Variants in RPGRIP1L observed in about 807,000 individuals in gnomAD.
RPGRIP1L encodes the protein RPGRIP1 like.
A neutral mutation model predicts 160.4 loss-of-function variants in RPGRIP1L; 131 were observed. The ratio of observed to expected loss-of-function variants is 0.82; its 90% CI spans 0.71 to 0.94. The LOEUF is 0.94. Among genes scored for constraint, RPGRIP1L ranks in the 40% least tolerant of loss-of-function variants. The pLI, the probability that RPGRIP1L is intolerant of heterozygous loss-of-function variation, is 0.00. For missense variants in RPGRIP1L, 1,522 were observed against 1,535.8 expected, an observed-to-expected ratio of 0.99 and a Z score of 0.15; for synonymous variants, 510 against 515.8, an observed-to-expected ratio of 0.99 and a Z score of 0.15.
intron 11 of RPGRIP1L, 23 bp downstream of exon 11, chr16:53,658,749 T>A: frequency 6.7e-7 from 1 of 1,490,882 alleles, no homozygotes; most frequent in Non-Finnish European, 9.2e-7. Flanking sequence ...GAGTTTTATT[T>A]CTTAAATAAG....
At chr16:53,614,694 T>C (rs1964248254) in intron 24 of RPGRIP1L, among the ~76,000 whole-genome samples, 1 of 152,136 alleles carries the variant, frequency 6.6e-6, no homozygotes, top group Admixed American at 6.6e-5. Context: ...ATTTCAAAAC[T>C]TGAAATACAT....
chr16:53,698,686 C>A (rs1174519069), intron 2 of RPGRIP1L, among the ~76,000 whole-genome samples: 6 of 142,988 alleles, frequency 4.2e-5, no homozygotes, highest in African/African-American at 1.6e-4. Flanking sequence ...CAGCCCCCCG[C>A]CCGGCCAGCC....
chr16:53,639,565 C>A (rs1410968665), intron 19 of RPGRIP1L, among the ~76,000 whole-genome samples: 1 of 152,082 alleles, frequency 6.6e-6, no homozygotes, highest in Non-Finnish European at 1.5e-5. Context: ...AACATTGCAA[C>A]AAACACCTCT....
chr16:53,659,789 A>T (rs1408150667), intron 10 of RPGRIP1L: 1 of 152,120 alleles, frequency 6.6e-6, no homozygotes, highest in African/African-American at 2.4e-5. Flanking sequence ...CTGAGGTGGG[A>T]GGATCTGTTG....
At chr16:53,632,549 A>C (rs1418757182) in intron 22 of RPGRIP1L, among the ~76,000 whole-genome samples, 2 of 152,128 alleles carry the variant, frequency 1.3e-5, no homozygotes, top group Admixed American at 6.6e-5. Context: ...GCAAATGCCC[A>C]CTACATATAT....
At chr16:53,625,524 G>C (rs979817670) in intron 22 of RPGRIP1L, among the ~76,000 whole-genome samples, 13 of 150,650 alleles carry the variant, frequency 8.6e-5, no homozygotes, top group Admixed American at 4.0e-4. Flanking sequence ...GGGGGTGAGG[G>C]GGGGGCGCCT....
Position 53,672,933 on chromosome 16 carries a change from T to G in RPGRIP1L, c.966A>C (p.Leu322Phe). 6.2e-7 allele frequency: 1 copy of G among 1,612,604 alleles called. No individual in the cohort carries two copies. The highest frequency in any genetic ancestry group is 8.5e-7 in the Non-Finnish European group (1 of 1,178,886). ...ELNMQLKEQR[L>F]KCCSLEKQLH... ...ATTGTTTCTCAAGACTGCAGCATTT[T>G]AAACGCTGCTCTTTAAGTTGCATGT... Residue 322 changes from leucine (L) to phenylalanine (F), a missense_variant, in exon 8 of 27, where the codon TTA becomes TTC. Transcript: ENST00000647211.
intron 10 of RPGRIP1L, chr16:53,659,247 A>G (rs893720412): frequency 1.4e-4 from 133 of 935,734 alleles, no homozygotes; most frequent in Non-Finnish European, 1.7e-4. Flanking sequence ...TGTGGAAAAA[A>G]AATTGTCTTT....
At chr16:53,633,173 A>G (rs1965625950) in intron 22 of RPGRIP1L, among the ~76,000 whole-genome samples, 2 of 152,226 alleles carry the variant, frequency 1.3e-5, no homozygotes, top group South Asian at 4.1e-4. Context: ...TTCTTAGAGA[A>G]GACAAAAGAA....
chr16:53,656,658 T>C (rs1381197101), intron 13 of RPGRIP1L, 69 bp from the exon 14 acceptor site: 9 of 1,123,496 alleles, frequency 8.0e-6, no homozygotes, highest in South Asian at 1.2e-5. Context: ...AAAGCAACTA[T>C]GATTCAAGCA....
chr16:53,688,885 C>T (rs1046410927), intron 4 of RPGRIP1L, among the ~76,000 whole-genome samples: 4 of 151,886 alleles, frequency 2.6e-5, no homozygotes, highest in Non-Finnish European at 4.4e-5. Context: ...AAGGCTCTGC[C>T]TAAAACATTA....
chr16:53,605,440 A>C, intron 26 of RPGRIP1L, 41 bp downstream of exon 26: 1 of 1,612,384 alleles, frequency 6.2e-7, no homozygotes. Flanking sequence ...GGAGTTCAGC[A>C]ATTGTTGGTT....
chr16:53,638,727 T>C (rs1219007168), intron 19 of RPGRIP1L, among the ~76,000 whole-genome samples: 1 of 151,668 alleles, frequency 6.6e-6, no homozygotes, highest in Non-Finnish European at 1.5e-5. Flanking sequence ...AATACCTGAG[T>C]TCTGTGTAAC....
At chr16:53,639,827 A>C (rs1005455460) in intron 19 of RPGRIP1L, among the ~76,000 whole-genome samples, 2 of 152,308 alleles carry the variant, frequency 1.3e-5, no homozygotes, top group Admixed American at 6.5e-5. Context: ...ACTGAATTAT[A>C]ATTATTGAAT....
chr16:53,696,742 A>T (rs1251244226), intron 2 of RPGRIP1L, among the ~76,000 whole-genome samples: 4 of 152,216 alleles, frequency 2.6e-5, no homozygotes, highest in Admixed American at 2.6e-4. Flanking sequence ...AAAACAAACT[A>T]TAAAAGTTGT....
rs373574445 is a variant in RPGRIP1L, at chr16:53,671,492, C to G, written c.1103+18G>C. 6.0e-6 allele frequency: 9 copies of G among 1,500,876 alleles called. No homozygotes were observed. Among genetic ancestry groups the G allele is most frequent in the Non-Finnish European group, 8.3e-6 (9 of 1,078,126 alleles). 93.0% of individuals were successfully genotyped at this position (1,500,876 alleles called of 1,614,324 possible). ...GCTCAAACAAGACAATGAAAGAACA[C>G]ATGGAATCACGATTTACCTGTCATA... is the stretch of plus-strand genomic sequence containing the variant. On this transcript the variant is annotated intron_variant, in intron 9 of 26. Coordinates refer to ENST00000647211, the MANE Select transcript of RPGRIP1L (RefSeq NM_015272.5).
Position 53,638,348 on chromosome 16 carries a change from T to C in RPGRIP1L, c.3022A>G (p.Ile1008Val), listed in dbSNP as rs750665065. The C allele has an allele frequency of 1.3e-6, 2 of 1,597,880 alleles. No individual in the cohort carries two copies. The highest frequency in any genetic ancestry group is 1.7e-6 in the Non-Finnish European group (2 of 1,165,728). ...GGAACAGTCAGCATATTAATTTCTA[T>C]TTCTGGTATATGCTCTACCTCTGGT... ...ISPEVEHIPEIEINMLTVPHV... is the reference protein window; with the variant it reads ...ISPEVEHIPEVEINMLTVPHV... The change falls in exon 20 of 27, where the codon ATA becomes GTA. Residue 1008 changes from isoleucine to valine, a missense_variant. Transcript: ENST00000647211.
chr16:53,700,230 A>G (rs1971282001), intron 2 of RPGRIP1L, among the ~76,000 whole-genome samples: 1 of 152,242 alleles, frequency 6.6e-6, no homozygotes, highest in South Asian at 2.1e-4. Flanking sequence ...ATCATGTGAG[A>G]TATTCCACTT....
intron 2 of RPGRIP1L, among the ~76,000 whole-genome samples, chr16:53,699,250 T>C (rs1971164128): frequency 3.3e-5 from 5 of 151,892 alleles, no homozygotes; most frequent in Non-Finnish European, 7.4e-5. Flanking sequence ...ACACAAACAC[T>C]GAGGAAGGCC....
Sources: allele counts gnomAD v4.1 joint callset (sites outside exome capture counted in the v4.1 genomes callset), GRCh38; gene constraint gnomAD v4.1.1; transcripts MANE v1.5; gene names NCBI Gene and HGNC (gene_info 2026-07-23, HGNC 2026-07-21).